The following ACAA2 variants were observed in gnomAD, a reference collection of about 807,000 sequenced individuals.
ACAA2 encodes the protein 3-ketoacyl-CoA thiolase, mitochondrial.
Under a neutral mutation model 44.8 loss-of-function variants are expected in ACAA2, and 35 were observed. The ratio of observed to expected loss-of-function variants is 0.78; its 90% CI spans 0.60 to 1.04. The LOEUF is 1.04. Among genes scored for constraint, ACAA2 ranks in the 50% least tolerant of loss-of-function variants. ACAA2 has a pLI of 0.00. For synonymous variants in ACAA2, 142 were observed against 166.5 expected, an observed-to-expected ratio of 0.85 and a Z score of 1.13; for missense variants, 468 against 482.6, an observed-to-expected ratio of 0.97 and a Z score of 0.28.
chr18:49,787,203 A>C (rs918730725), intron 8 of ACAA2, 88 bp downstream of exon 8: 13 of 1,069,948 alleles, frequency 1.2e-5, no homozygotes, highest in Non-Finnish European at 1.7e-5. Flanking sequence ...TTCAAAGAGC[A>C]ATGAGACCAA....
chr18:49,798,078 C>G (rs1598797338), intron 2 of ACAA2, among the ~76,000 whole-genome samples: 1 of 152,186 alleles, frequency 6.6e-6, no homozygotes, highest in African/African-American at 2.4e-5. Flanking sequence ...GGCTGTGGTT[C>G]TCAACCTTGG....
chr18:49,812,360 C>A (rs1415561914), intron 1 of ACAA2, among the ~76,000 whole-genome samples: 5 of 81,368 alleles, frequency 6.1e-5, no homozygotes, highest in Non-Finnish European at 1.2e-4. Flanking sequence ...ACATCTATTC[C>A]TTTCCCAATT....
At chr18:49,794,632 A>G (rs2143959119) in intron 4 of ACAA2, among the ~76,000 whole-genome samples, 1 of 152,344 alleles carries the variant, frequency 6.6e-6, no homozygotes. Flanking sequence ...AATAAAATGC[A>G]CACATTCTCT....
chr18:49,797,803 AT>A (rs888321728), intron 2 of ACAA2, among the ~76,000 whole-genome samples: 10 of 152,150 alleles, frequency 6.6e-5, no homozygotes, highest in Non-Finnish European at 1.5e-4. Flanking sequence ...GTTTTTTTCT[AT>A]TTTTTTATTG....
At chr18:49,788,444 C>T (rs1190582743) in intron 7 of ACAA2, among the ~76,000 whole-genome samples, 1 of 152,176 alleles carries the variant, frequency 6.6e-6, no homozygotes, top group Non-Finnish European at 1.5e-5. Flanking sequence ...CAACAAACCA[C>T]GTGCTTATTG....
rs746932369 is a variant in ACAA2 at position 49,792,183 on chromosome 18, T to G, written c.722A>C (p.Lys241Thr). ...ATTCCCTGCAGTAACAGTTCCATCT[T>G]TCTTGAATACTGGAGGAAGTTTCTG... ...QLQKLPPVFK[K>T]DGTVTAGNAS... Residue 241 changes from lysine (K) to threonine (T), a missense_variant, in exon 6 of 10, where the codon AAA becomes ACA. By Grantham distance (78) the Lys-to-Thr change is moderately conservative (BLOSUM62 -1). Transcript: ENST00000285093. 2 of 1,614,018 alleles carry G rather than the reference T, an allele frequency of 1.2e-6. No individual in the cohort carries two copies. Among genetic ancestry groups the G allele is most frequent in the Non-Finnish European group, 1.7e-6 (2 of 1,179,910 alleles).
chr18:49,790,307 C>T (rs2023383007), intron 7 of ACAA2, among the ~76,000 whole-genome samples: 1 of 152,104 alleles, frequency 6.6e-6, no homozygotes, highest in Admixed American at 6.5e-5. Flanking sequence ...TTCTTAGGAA[C>T]TCTATACAGA....
Position 49,813,508 on chromosome 18 carries a change from C to T in ACAA2, c.-24G>A. On this transcript the variant is annotated 5_prime_UTR_variant, in exon 1 of 10. Transcript: ENST00000285093. ...ATGGCGGCTGCTGGGTCGTCGGCGGCGCGGGTCTGTGGTGTGGGGGACGCT... is the reference window on the plus strand; with the variant it reads ...ATGGCGGCTGCTGGGTCGTCGGCGGTGCGGGTCTGTGGTGTGGGGGACGCT... The T allele has an allele frequency of 8.1e-7, 1 of 1,239,776 alleles. No homozygotes were observed. The highest frequency in any genetic ancestry group is 1.0e-6 in the Non-Finnish European group (1 of 988,046). 76.8% of individuals were successfully genotyped at this position (1,239,776 alleles called of 1,614,324 possible). A position where few individuals can be genotyped will look rare whatever the true frequency, so the allele number is the denominator to read the frequency against.
intron 5 of ACAA2, 45 bp downstream of exon 5, chr18:49,794,235 T>C: frequency 7.2e-7 from 1 of 1,388,166 alleles, no homozygotes; most frequent in East Asian, 2.6e-5. Flanking sequence ...ATATTTCCTA[T>C]AGATATTTAT....
At chr18:49,801,558 C>T (rs926773055) in intron 2 of ACAA2, among the ~76,000 whole-genome samples, 2 of 151,806 alleles carry the variant, frequency 1.3e-5, no homozygotes, top group Non-Finnish European at 2.9e-5. Flanking sequence ...TTAGGTTCAA[C>T]AGACATAACT....
At chr18:49,789,799 C>T (rs775164732) in intron 7 of ACAA2, among the ~76,000 whole-genome samples, 10 of 151,950 alleles carry the variant, frequency 6.6e-5, no homozygotes, top group Admixed American at 3.3e-4. Flanking sequence ...GCCTGGCCAA[C>T]GTGGAAAAAC....
At chr18:49,799,060 A>C (rs2023497649) in intron 2 of ACAA2, among the ~76,000 whole-genome samples, 1 of 152,216 alleles carries the variant, frequency 6.6e-6, no homozygotes, top group Non-Finnish European at 1.5e-5. Context: ...TTAGGAAACA[A>C]TGAAATCCAA....
At chr18:49,798,662 C>T (rs1045835162) in intron 2 of ACAA2, among the ~76,000 whole-genome samples, 6 of 152,030 alleles carry the variant, frequency 3.9e-5, no homozygotes, top group Admixed American at 6.5e-5. Flanking sequence ...TTGACAAATT[C>T]GGCACATTTA....
chr18:49,799,230 C>CCCCCTCT (rs2023499825), intron 2 of ACAA2, among the ~76,000 whole-genome samples: 1 of 151,790 alleles, frequency 6.6e-6, no homozygotes. Flanking sequence ...CCCCCTCCTC[C>CCCCCTCT]TCCCCCTCTC....
At chr18:49,787,056 G>C (rs2023338622) in intron 8 of ACAA2, among the ~76,000 whole-genome samples, 1 of 152,090 alleles carries the variant, frequency 6.6e-6, no homozygotes, top group Non-Finnish European at 1.5e-5. Flanking sequence ...ACTTGAGTAA[G>C]AGAAATCAGG....
chr18:49,791,688 T>C (rs915099367), intron 6 of ACAA2, 89 bp from the exon 7 acceptor site: 1 of 1,361,784 alleles, frequency 7.3e-7, no homozygotes, highest in Non-Finnish European at 1.0e-6. Flanking sequence ...ATTAGGAATA[T>C]GGCAGTACAT....
intron 5 of ACAA2, among the ~76,000 whole-genome samples, chr18:49,793,168 G>T (rs1406224475): frequency 6.6e-6 from 1 of 152,130 alleles, no homozygotes; most frequent in Non-Finnish European, 1.5e-5. Flanking sequence ...GCAACCTGAA[G>T]AAATTATGGG....
chr18:49,810,743 G>A (rs146266874), intron 1 of ACAA2, among the ~76,000 whole-genome samples: 187 of 151,456 alleles, frequency 1.2e-3, no homozygotes, highest in African/African-American at 4.4e-3. Flanking sequence ...GCTGAAGTGC[G>A]GTAGTGTGAT....
Position 49,783,612 on chromosome 18 carries a change from GTT to G in ACAA2, c.*233_*234del. On this transcript the variant is annotated 3_prime_UTR_variant, in exon 10 of 10. Coordinates refer to ENST00000285093, the MANE Select transcript of ACAA2 (RefSeq NM_006111.3). ...TTCTTTTAATGTCTTCTATAGTTGA[GTT>G]TTAGCTCAGAAATACATCATATTTC... is the stretch of plus-strand genomic sequence containing the variant. 2.3e-6 allele frequency: 1 copy of G among 442,972 alleles called. No homozygotes were observed. The highest frequency in any genetic ancestry group is 4.2e-6 in the Non-Finnish European group (1 of 239,928). 27.4% of individuals were successfully genotyped at this position (442,972 alleles called of 1,614,324 possible).
Sources: allele counts gnomAD v4.1 joint callset (sites outside exome capture counted in the v4.1 genomes callset), GRCh38; gene constraint gnomAD v4.1.1; transcripts MANE v1.5; gene names NCBI Gene and HGNC (gene_info 2026-07-23, HGNC 2026-07-21).